PARVB: variants seen among roughly 807,000 people sequenced by gnomAD.
The protein encoded by PARVB is beta-parvin.
A neutral mutation model predicts 47.0 loss-of-function variants in PARVB; 46 were observed. That is an observed-to-expected ratio of 0.98 (90% CI 0.77 to 1.25). The LOEUF is 1.25. PARVB is among the 50% of genes most tolerant of loss of function. The pLI is 0.00. For missense variants in PARVB, 473 were observed against 471.6 expected (o/e 1.00, Z -0.03); for synonymous variants, 196 against 196.3 (o/e 1.00, Z 0.01).
chr22:44,018,258 T>C (rs1337587527), intron 2 of PARVB, among the ~76,000 whole-genome samples: 2 of 151,946 alleles, frequency 1.3e-5, no homozygotes, highest in Non-Finnish European at 2.9e-5. Context: ...AAAAATTAGC[T>C]GGGTTTGGTG....
At chr22:44,131,956 A>C (rs1188577148) in intron 5 of PARVB, among the ~76,000 whole-genome samples, 1 of 152,050 alleles carries the variant, frequency 6.6e-6, no homozygotes, top group Admixed American at 6.5e-5. Flanking sequence ...TTGGGACTCA[A>C]CCCCAAATAC....
intron 1 of PARVB, among the ~76,000 whole-genome samples, chr22:44,026,687 G>A (rs78095343): frequency 6.6e-6 from 1 of 152,176 alleles, no homozygotes; most frequent in East Asian, 1.9e-4. Context: ...TGCCTACCAG[G>A]GAGTGACAGG....
At chr22:44,159,027 T>G (rs1333568982) in intron 11 of PARVB, among the ~76,000 whole-genome samples, 3 of 152,114 alleles carry the variant, frequency 2.0e-5, no homozygotes, top group African/African-American at 7.2e-5. Context: ...CAGGACAGAT[T>G]AGAGAGGTCT....
chr22:44,081,647 A>G (rs1358214337), intron 1 of PARVB: 1 of 984,108 alleles, frequency 1.0e-6, no homozygotes, highest in Non-Finnish European at 1.2e-6. Flanking sequence ...AGAGCCTGGC[A>G]GTCTCATGGG....
At position 44,083,285 on chromosome 22, in the gene PARVB, C is replaced by G. The variant is rs1184785523; in HGVS notation, c.113-10643C>G. Among the ~76,000 whole-genome samples, 4 of 152,208 alleles carry G rather than the reference C, an allele frequency of 2.6e-5. No individual in the cohort carries two copies. The East Asian group carries it at 7.7e-4, about 29-fold the overall frequency. ...TGTAGCTCCATTTGGCCTACATAAG[C>G]TTAGCATTTGTGTTCATTCATTCAT... On this transcript the variant is annotated intron_variant, in intron 1 of 12. Transcript: ENST00000338758.
intron 1 of PARVB, among the ~76,000 whole-genome samples, chr22:44,064,719 T>C (rs1235336514): frequency 6.6e-6 from 1 of 152,172 alleles, no homozygotes; most frequent in African/African-American, 2.4e-5. Context: ...CTGGATATGA[T>C]GGCATGCACC....
Position 44,140,076 on chromosome 22 carries a change from T to C in PARVB, c.693-48T>C, listed in dbSNP as rs200138280. ...CTCCATTGTGCTGCTTGTGAAACTG[T>C]GTTCTGAGTGACCCATCTCATGGCT... On this transcript the variant is annotated intron_variant, in intron 7 of 12. Transcript: ENST00000338758. 538 of 524,056 alleles carry C rather than the reference T, an allele frequency of 1.0e-3. 3 individuals carry two copies. In the African/African-American group the frequency reaches 0.031, roughly 30 times the overall value. 32.5% of individuals were successfully genotyped at this position (524,056 alleles called of 1,614,324 possible).
intron 5 of PARVB, 22 bp from the exon 6 acceptor site, chr22:44,132,872 C>CCCTTCCT (rs745994981): frequency 4.1e-5 from 63 of 1,554,676 alleles, no homozygotes; most frequent in Non-Finnish European, 5.2e-5. Context: ...TAAAGCGTCT[C>CCCTTCCT]CCTTCCTCCT....
intron 11 of PARVB, among the ~76,000 whole-genome samples, chr22:44,159,559 GC>G (rs1159738217): frequency 6.6e-6 from 1 of 152,224 alleles, no homozygotes; most frequent in Non-Finnish European, 1.5e-5. Flanking sequence ...GAGAAAGGGA[GC>G]CTGGGGTGGC....
At chr22:44,033,545 G>T (rs1217434608) in intron 1 of PARVB, among the ~76,000 whole-genome samples, 1 of 152,192 alleles carries the variant, frequency 6.6e-6, no homozygotes, top group Admixed American at 6.6e-5. Context: ...ACGCTTGCCT[G>T]ATAGTAGTTG....
chr22:44,045,194 C>A (rs1461687204), intron 1 of PARVB, among the ~76,000 whole-genome samples: 1 of 152,110 alleles, frequency 6.6e-6, no homozygotes, highest in Non-Finnish European at 1.5e-5. Flanking sequence ...TTTGAGGCTG[C>A]AGTGAGTTAT....
At chr22:44,088,718 C>T (rs1421173186) in intron 1 of PARVB, among the ~76,000 whole-genome samples, 3 of 152,122 alleles carry the variant, frequency 2.0e-5, no homozygotes, top group African/African-American at 4.8e-5. Context: ...GTGATTTGCC[C>T]ACCTTGGCCT....
intron 1 of PARVB, among the ~76,000 whole-genome samples, chr22:44,057,555 T>C (rs971282453): frequency 6.6e-6 from 1 of 150,630 alleles, no homozygotes; most frequent in African/African-American, 2.4e-5. Flanking sequence ...TTATCCGCAC[T>C]CTGGGTGGAC....
chr22:44,121,880 A>G (rs961247058), intron 4 of PARVB, among the ~76,000 whole-genome samples: 16 of 152,222 alleles, frequency 1.1e-4, no homozygotes, highest in African/African-American at 3.6e-4. Flanking sequence ...CTGATTGCAT[A>G]CAAAAATAGT....
At chr22:44,032,482 C>T (rs1217488730) in intron 1 of PARVB, among the ~76,000 whole-genome samples, 1 of 152,082 alleles carries the variant, frequency 6.6e-6, no homozygotes, top group East Asian at 1.9e-4. Context: ...CGTTTCTGAG[C>T]TGCTGAGTTT....
At chr22:44,083,928 CA>C (rs2051966281) in intron 1 of PARVB, among the ~76,000 whole-genome samples, 1 of 152,164 alleles carries the variant, frequency 6.6e-6, no homozygotes, top group Non-Finnish European at 1.5e-5. Context: ...GGCTTAAAAG[CA>C]AAACAGAATT....
chr22:44,142,894 G>A (rs1386654590), intron 8 of PARVB: 1 of 152,210 alleles, frequency 6.6e-6, no homozygotes, highest in East Asian at 1.9e-4. Context: ...AAGTCTCCTG[G>A]TTACCCAGCC....
intron 12 of PARVB, among the ~76,000 whole-genome samples, chr22:44,165,426 C>T (rs1268603968): frequency 3.3e-5 from 5 of 152,198 alleles, no homozygotes; most frequent in East Asian, 1.9e-4. Flanking sequence ...GGGAGTGTGG[C>T]GAGCTGCTGC....
At chr22:44,147,216 A>G (rs2053704271) in intron 8 of PARVB, 2 of 186,730 alleles carry the variant, frequency 1.1e-5, no homozygotes, top group Non-Finnish European at 2.3e-5. Flanking sequence ...GATGGATTTT[A>G]TCTGAGTGTC....
Sources: gnomAD v4.1 joint callset for allele counts (sites outside exome capture counted in the v4.1 genomes callset) on GRCh38, gnomAD v4.1.1 for gene constraint, MANE v1.5 for transcripts, NCBI Gene and HGNC (gene_info 2026-07-23, HGNC 2026-07-21) for gene names.